Variants in MARCHF1 observed in about 807,000 individuals in gnomAD.
MARCHF1 encodes E3 ubiquitin-protein ligase MARCHF1.
In MARCHF1, 40 loss-of-function variants were observed where a neutral mutation model predicts 54.2. The ratio of observed to expected loss-of-function variants is 0.74; its 90% confidence interval spans 0.57 to 0.96. The LOEUF is 0.96. Ranked by LOEUF, MARCHF1 falls within the 40% of genes least tolerant of loss-of-function variation. The pLI is 0.00. For missense variants in MARCHF1, 586 were observed against 656.5 expected (o/e 0.89, Z 1.17); for synonymous variants, 236 against 236.3 (o/e 1.00, Z 0.01).
chr4:164,172,821 C>T (rs1475436994), intron 1 of MARCHF1, among the ~76,000 whole-genome samples: 2 of 151,870 alleles, frequency 1.3e-5, no homozygotes, highest in Non-Finnish European at 2.9e-5. Context: ...ACTAAAAATA[C>T]AAAAAATTAG....
At chr4:164,081,971 C>T (rs925600615) in intron 2 of MARCHF1, among the ~76,000 whole-genome samples, 1 of 152,166 alleles carries the variant, frequency 6.6e-6, no homozygotes, top group African/African-American at 2.4e-5. Flanking sequence ...AACTGTCTCA[C>T]ACCATCTGGC....
At chr4:163,805,955 T>TA (rs1191132527) in intron 4 of MARCHF1, among the ~76,000 whole-genome samples, 2 of 152,158 alleles carry the variant, frequency 1.3e-5, no homozygotes, top group Non-Finnish European at 2.9e-5. Context: ...TCTCCAGAGA[T>TA]CTTAATTCTA....
chr4:163,918,111 T>A (rs66910036), intron 3 of MARCHF1, among the ~76,000 whole-genome samples: 34,909 of 152,074 alleles, frequency 0.23, 4,934 homozygotes, highest in East Asian at 0.44. Flanking sequence ...TTTCTGTATA[T>A]GGCTAGCCAG....
chr4:164,206,760 C>A (rs995791467), intron 1 of MARCHF1, among the ~76,000 whole-genome samples: 6 of 152,042 alleles, frequency 3.9e-5, no homozygotes, highest in African/African-American at 1.4e-4. Context: ...TGGGGTCTCA[C>A]TCCTTTGAAG....
At chr4:164,101,178 G>T (rs1006945035) in intron 2 of MARCHF1, among the ~76,000 whole-genome samples, 1 of 152,230 alleles carries the variant, frequency 6.6e-6, no homozygotes, top group African/African-American at 2.4e-5. Flanking sequence ...CAGCAGCGAG[G>T]CCGGGGGAGG....
intron 2 of MARCHF1, among the ~76,000 whole-genome samples, chr4:164,016,285 G>T (rs187630669): frequency 6.6e-6 from 1 of 152,028 alleles, no homozygotes; most frequent in Non-Finnish European, 1.5e-5. Context: ...TGAAGGAAGC[G>T]AAGGGGGAAG....
chr4:163,735,439 G>T (rs1324661116), intron 4 of MARCHF1, among the ~76,000 whole-genome samples: 1 of 152,110 alleles, frequency 6.6e-6, no homozygotes, highest in African/African-American at 2.4e-5. Flanking sequence ...CTAGACACAG[G>T]CTGTCTTAGT....
chr4:163,994,756 C>CACACACACAA (rs1553968524), intron 2 of MARCHF1, among the ~76,000 whole-genome samples: 261 of 127,898 alleles, frequency 2.0e-3, no homozygotes, highest in African/African-American at 6.8e-3. Context: ...CACACACACA[C>CACACACACAA]ACACACACAC....
chr4:163,922,224 G>T (rs1040462592), intron 3 of MARCHF1, among the ~76,000 whole-genome samples: 20 of 148,158 alleles, frequency 1.3e-4, no homozygotes, highest in African/African-American at 4.7e-4. Flanking sequence ...GGGGTGGGGG[G>T]AGTGGGGAGG....
intron 1 of MARCHF1, among the ~76,000 whole-genome samples, chr4:164,340,414 G>T (rs12499976): frequency 0.37 from 31,569 of 84,404 alleles, 6,984 homozygotes; most frequent in Non-Finnish European, 0.42. Context: ...TTTATATATA[G>T]ATATATATAT....
intron 2 of MARCHF1, among the ~76,000 whole-genome samples, chr4:164,054,780 G>T (rs1030905552): frequency 8.5e-6 from 1 of 117,358 alleles, no homozygotes; most frequent in Admixed American, 9.9e-5. Flanking sequence ...GACTGTTGTG[G>T]GGTGGGGGGA....
At chr4:164,155,878 CCT>C (rs1414192943) in intron 1 of MARCHF1, among the ~76,000 whole-genome samples, 2 of 152,044 alleles carry the variant, frequency 1.3e-5, no homozygotes, top group African/African-American at 4.8e-5. Flanking sequence ...TAAGAGCTCC[CCT>C]CTGTTTCTCC....
At chr4:163,632,250 G>T (rs1432675553) in intron 5 of MARCHF1, among the ~76,000 whole-genome samples, 1 of 152,146 alleles carries the variant, frequency 6.6e-6, no homozygotes, top group Admixed American at 6.5e-5. Flanking sequence ...GAGCCAAGAT[G>T]GCCGAATAGG....
At chr4:163,889,988 T>C (rs1234452032) in intron 3 of MARCHF1, among the ~76,000 whole-genome samples, 2 of 148,874 alleles carry the variant, frequency 1.3e-5, no homozygotes, top group African/African-American at 4.9e-5. Context: ...GCAGTGGCAC[T>C]GTTTCGGCTC....
At chr4:163,810,959 T>C (rs976995445) in intron 4 of MARCHF1, among the ~76,000 whole-genome samples, 2 of 151,768 alleles carry the variant, frequency 1.3e-5, no homozygotes, top group Admixed American at 6.6e-5. Flanking sequence ...GTGGTAAATA[T>C]TGCTGTTCGT....
chr4:164,054,156 C>CA (rs1473740921), intron 2 of MARCHF1, among the ~76,000 whole-genome samples: 1 of 150,808 alleles, frequency 6.6e-6, no homozygotes, highest in East Asian at 1.9e-4. Context: ...TTTATGCAGC[C>CA]AAAAAACACA....
intron 4 of MARCHF1, among the ~76,000 whole-genome samples, chr4:163,708,645 C>A (rs1302019392): frequency 6.6e-6 from 1 of 151,966 alleles, no homozygotes; most frequent in Admixed American, 6.6e-5. Context: ...CAGGTTAGAA[C>A]CTCTGTAAGT....
At chr4:163,636,130 C>G (rs1293695995) in intron 5 of MARCHF1, among the ~76,000 whole-genome samples, 1 of 152,106 alleles carries the variant, frequency 6.6e-6, no homozygotes, top group Non-Finnish European at 1.5e-5. Context: ...AAACCCACAG[C>G]CAATATCATA....
At chr4:163,836,040 G>C (rs1264910868) in intron 4 of MARCHF1, among the ~76,000 whole-genome samples, 2 of 152,020 alleles carry the variant, frequency 1.3e-5, no homozygotes, top group African/African-American at 4.8e-5. Context: ...CCCAGCCTAG[G>C]CTGGTGATGG....
Sources: allele counts gnomAD v4.1 joint callset (sites outside exome capture counted in the v4.1 genomes callset), GRCh38; gene constraint gnomAD v4.1.1; transcripts MANE v1.5; gene names NCBI Gene and HGNC (gene_info 2026-07-23, HGNC 2026-07-21).